The following HDAC9 variants were observed in gnomAD, a reference collection of about 807,000 sequenced individuals.
HDAC9 encodes histone deacetylase 9, also known as MEF-2 interacting transcription repressor (MITR) protein.
A neutral mutation model predicts 139.4 loss-of-function variants in HDAC9; 41 were observed. That is an observed-to-expected ratio of 0.29 (90% CI 0.23 to 0.38). The LOEUF is 0.38. HDAC9 is among the 10% of genes least tolerant of loss of function. HDAC9 has a pLI of 1.00. For missense variants in HDAC9, 1,147 were observed against 1,297.0 expected (o/e 0.88, Z 1.78); for synonymous variants, 517 against 476.2 (o/e 1.09, Z -1.12).
intron 12 of HDAC9, chr7:18,668,725 A>G: frequency 1.0e-6 from 1 of 975,512 alleles, no homozygotes; most frequent in Non-Finnish European, 1.2e-6. Flanking sequence ...TATTTATTAT[A>G]ATTTACACCC....
intron 1 of HDAC9, among the ~76,000 whole-genome samples, chr7:18,319,906 C>CT (rs140117609): frequency 0.025 from 3,731 of 151,942 alleles, 118 homozygotes; most frequent in African/African-American, 0.073. Context: ...AAGTAATTTT[C>CT]TTTTTCACAT....
At chr7:18,874,400 G>A in intron 21 of HDAC9, 78 bp from the exon 22 acceptor site, 3 of 759,252 alleles carry the variant, frequency 4.0e-6, no homozygotes, top group Non-Finnish European at 6.8e-6. Context: ...CTATTGTTGT[G>A]CCAGGTCGTT....
intron 1 of HDAC9, among the ~76,000 whole-genome samples, chr7:18,375,535 C>G (rs1012037303): frequency 1.3e-5 from 2 of 152,064 alleles, no homozygotes; most frequent in African/African-American, 4.8e-5. Context: ...ATATGGTAGG[C>G]CCTTACTAAG....
intron 2 of HDAC9, among the ~76,000 whole-genome samples, chr7:18,221,336 C>G (rs901551188): frequency 6.6e-6 from 1 of 152,092 alleles, no homozygotes; most frequent in African/African-American, 2.4e-5. Context: ...AACTCCTGAC[C>G]TCAGGTGATC....
chr7:18,980,847 G>GCA (rs1784900231), intron 25 of HDAC9, among the ~76,000 whole-genome samples: 1 of 141,982 alleles, frequency 7.0e-6, no homozygotes, highest in Admixed American at 7.1e-5. Context: ...TTTTTGAGAT[G>GCA]GAGTCTCACT....
At chr7:18,408,019 C>T (rs531131515) in intron 1 of HDAC9, among the ~76,000 whole-genome samples, 7 of 152,174 alleles carry the variant, frequency 4.6e-5, no homozygotes, top group Admixed American at 3.3e-4. Flanking sequence ...ATACTTACAT[C>T]GTACTTACGT....
intron 21 of HDAC9, among the ~76,000 whole-genome samples, chr7:18,843,955 G>C (rs939045431): frequency 6.6e-5 from 10 of 152,154 alleles, no homozygotes; most frequent in African/African-American, 2.4e-4. Context: ...CAGAGCTGAA[G>C]TTCACACTGT....
intron 2 of HDAC9, among the ~76,000 whole-genome samples, chr7:18,246,256 G>T (rs1031055083): frequency 4.0e-5 from 6 of 151,038 alleles, no homozygotes; most frequent in Non-Finnish European, 8.8e-5. Context: ...AGACTTAGAG[G>T]TGGAAGGGAG....
chr7:18,992,645 T>A (rs1489406131), intron 25 of HDAC9, among the ~76,000 whole-genome samples: 1 of 152,144 alleles, frequency 6.6e-6, no homozygotes, highest in Non-Finnish European at 1.5e-5. Context: ...AGAAATAAGA[T>A]TTAAGAGAGA....
chr7:18,338,993 G>C (rs989768857), intron 1 of HDAC9, among the ~76,000 whole-genome samples: 2 of 151,420 alleles, frequency 1.3e-5, no homozygotes, highest in Admixed American at 6.6e-5. Context: ...TTGGTAGTTT[G>C]TGTTTTCCAA....
chr7:18,624,489 A>G (rs934097892), intron 6 of HDAC9, among the ~76,000 whole-genome samples: 3 of 152,250 alleles, frequency 2.0e-5, no homozygotes, highest in Non-Finnish European at 2.9e-5. Context: ...TTCTGTTTCT[A>G]TGATTAATTG....
chr7:18,418,169 G>T (rs1221203919), intron 1 of HDAC9, among the ~76,000 whole-genome samples: 1 of 152,076 alleles, frequency 6.6e-6, no homozygotes, highest in Non-Finnish European at 1.5e-5. Context: ...TCGCTTCAGG[G>T]TTTTAGTTGT....
chr7:18,522,916 T>C (rs1242195221), intron 2 of HDAC9, among the ~76,000 whole-genome samples: 1 of 152,234 alleles, frequency 6.6e-6, no homozygotes, highest in African/African-American at 2.4e-5. Context: ...ATGTCCACTG[T>C]ATTTAGGCCA....
intron 1 of HDAC9, among the ~76,000 whole-genome samples, chr7:18,439,457 C>G (rs1284214483): frequency 6.6e-6 from 1 of 152,166 alleles, no homozygotes; most frequent in African/African-American, 2.4e-5. Flanking sequence ...GGTAAAGACT[C>G]AAGAACTTTT....
intron 17 of HDAC9, among the ~76,000 whole-genome samples, chr7:18,794,891 A>G (rs1792645193): frequency 6.6e-6 from 1 of 152,234 alleles, no homozygotes; most frequent in Non-Finnish European, 1.5e-5. Context: ...GATAATTATT[A>G]TGTTAGCTTT....
At chr7:18,321,322 A>T (rs7802335) in intron 1 of HDAC9, among the ~76,000 whole-genome samples, 134 of 152,304 alleles carry the variant, frequency 8.8e-4, no homozygotes, top group African/African-American at 3.1e-3. Flanking sequence ...TCATTAGTTC[A>T]TCTACCTTAT....
At chr7:18,939,067 A>C (rs1303406166) in intron 23 of HDAC9, among the ~76,000 whole-genome samples, 1 of 152,224 alleles carries the variant, frequency 6.6e-6, no homozygotes, top group Admixed American at 6.5e-5. Context: ...CTTACTAATT[A>C]ATATGTATGT....
At chr7:18,128,729 G>A (rs1029207369) in intron 1 of HDAC9, among the ~76,000 whole-genome samples, 1 of 151,394 alleles carries the variant, frequency 6.6e-6, no homozygotes, top group Admixed American at 6.6e-5. Flanking sequence ...AAATGGTAGG[G>A]GTTAGGGAAG....
intron 2 of HDAC9, among the ~76,000 whole-genome samples, chr7:18,566,429 T>C (rs915933522): frequency 2.0e-5 from 3 of 152,212 alleles, no homozygotes; most frequent in Non-Finnish European, 4.4e-5. Flanking sequence ...GTTATTGATT[T>C]ACCCAAAGAA....
Sources: gnomAD v4.1 joint callset for allele counts (sites outside exome capture counted in the v4.1 genomes callset) on GRCh38, gnomAD v4.1.1 for gene constraint, MANE v1.5 for transcripts, NCBI Gene and HGNC (gene_info 2026-07-23, HGNC 2026-07-21) for gene names.